NXNL2: variants seen among roughly 807,000 people sequenced by gnomAD.
The protein encoded by NXNL2 is nucleoredoxin like 2, also known as nucleoredoxin-like protein 2.
A neutral mutation model predicts 11.1 loss-of-function variants in NXNL2; 7 were observed. The ratio of observed to expected loss-of-function variants is 0.63; its 90% CI spans 0.36 to 1.18. NXNL2 has a LOEUF of 1.18. Among genes scored for constraint, NXNL2 ranks in the 50% most tolerant of loss-of-function variants. The probability of loss-of-function intolerance (pLI) is 0.02; values close to 1 mark genes in which losing one functional copy is unlikely to be tolerated. For missense variants in NXNL2, 233 were observed against 217.7 expected, an observed-to-expected ratio of 1.07 and a Z score of -0.44; for synonymous variants, 109 against 101.8, an observed-to-expected ratio of 1.07 and a Z score of -0.42.
chr9:88,565,404 G>A (rs770275215), intron 1 of NXNL2, among the ~76,000 whole-genome samples: 8 of 152,096 alleles, frequency 5.3e-5, no homozygotes, highest in Non-Finnish European at 8.8e-5. Context: ...TCATATGAGA[G>A]TTCTATTTTT....
In NXNL2 at chr9:88,552,472, TG is replaced by T. The variant is rs1413457879; in HGVS notation, c.302+16737del. Among the ~76,000 whole-genome samples, 229 of 128,028 alleles carry T rather than the reference TG, an allele frequency of 1.8e-3. 1 individual carries two copies. The highest frequency in any genetic ancestry group is 6.9e-3 in the African/African-American group (189 of 27,542). 84.0% of individuals were successfully genotyped at this position (128,028 alleles called of 152,430 possible). ...TCTAGTTTTCTGCTTTAAACATGCA[TG>T]TTTTTTTTTTTTTTTTTGAGATGGA... On this transcript the variant is annotated intron_variant, in intron 1 of 2. Coordinates refer to the NXNL2 transcript ENST00000375855.
At chr9:88,574,766 G>T (rs1830324136) in intron 2 of NXNL2, among the ~76,000 whole-genome samples, 1 of 152,286 alleles carries the variant, frequency 6.6e-6, no homozygotes, top group Middle Eastern at 3.4e-3. Context: ...GAGCCAGCTT[G>T]TTGGGGAGAG....
chr9:88,571,855 A>G (rs558245497), intron 2 of NXNL2, among the ~76,000 whole-genome samples: 2 of 152,208 alleles, frequency 1.3e-5, no homozygotes, highest in East Asian at 1.9e-4. Context: ...TAACGTCTCC[A>G]CCGGAGACCT....
intron 1 of NXNL2, among the ~76,000 whole-genome samples, chr9:88,550,310 A>G (rs1213901494): frequency 1.3e-5 from 2 of 152,196 alleles, no homozygotes; most frequent in South Asian, 2.1e-4. Flanking sequence ...CATCCAAACT[A>G]CATCAGTGAC....
At chr9:88,560,321 C>A (rs1311769038) in intron 1 of NXNL2, among the ~76,000 whole-genome samples, 3 of 151,668 alleles carry the variant, frequency 2.0e-5, no homozygotes, top group Admixed American at 2.0e-4. Context: ...TAGACAAAAA[C>A]ACAAACTGGC....
At chr9:88,553,230 C>T (rs987205189) in intron 1 of NXNL2, among the ~76,000 whole-genome samples, 20 of 152,298 alleles carry the variant, frequency 1.3e-4, no homozygotes, top group African/African-American at 4.8e-4. Context: ...CCTGTAATCC[C>T]AGCTACTCAG....
At chr9:88,574,580 T>A (rs1178525493) in intron 2 of NXNL2, among the ~76,000 whole-genome samples, 23 of 152,244 alleles carry the variant, frequency 1.5e-4, no homozygotes. Flanking sequence ...AGCAATTAGA[T>A]ATGCATTTAT....
At chr9:88,574,335 G>A (rs1030631195) in intron 2 of NXNL2, among the ~76,000 whole-genome samples, 1 of 152,202 alleles carries the variant, frequency 6.6e-6, no homozygotes. Context: ...TTAAGGACAT[G>A]CCTGTGACAC....
intron 1 of NXNL2, among the ~76,000 whole-genome samples, chr9:88,541,413 A>AG (rs1829758896): frequency 6.6e-6 from 1 of 151,292 alleles, no homozygotes; most frequent in Non-Finnish European, 1.5e-5. Flanking sequence ...GGTGCGTGCA[A>AG]CCACACCTGG....
chr9:88,579,699 C>T (rs538941892), downstream of NXNL2, among the ~76,000 whole-genome samples: 2 of 152,174 alleles, frequency 1.3e-5, no homozygotes, highest in South Asian at 2.1e-4. Context: ...CTTATGACTG[C>T]GAGTCAAGGG....
downstream of NXNL2, among the ~76,000 whole-genome samples, chr9:88,549,347 C>CT (rs768343026): frequency 1.3e-5 from 2 of 152,174 alleles, no homozygotes; most frequent in Non-Finnish European, 2.9e-5. Context: ...TTGAGTTTCT[C>CT]TTTCTTGTCA....
intron 1 of NXNL2, among the ~76,000 whole-genome samples, chr9:88,557,452 G>A (rs896928933): frequency 2.0e-5 from 3 of 152,212 alleles, no homozygotes; most frequent in East Asian, 1.9e-4. Flanking sequence ...GGGTGAGCAC[G>A]TTCTTAAGGT....
intron 1 of NXNL2, among the ~76,000 whole-genome samples, chr9:88,565,026 T>C (rs973657273): frequency 6.6e-6 from 1 of 152,054 alleles, no homozygotes. Context: ...CATTTTCTCC[T>C]CCCCCAGCCT....
chr9:88,548,592 GTGGGAGGCTGAGCC>G (rs1010884326), downstream of NXNL2, among the ~76,000 whole-genome samples: 2 of 150,718 alleles, frequency 1.3e-5, no homozygotes, highest in Non-Finnish European at 2.9e-5. Context: ...GGAGGCTGAG[GTGGGAGGCTGAGCC>G]TGGGAGGCGG....
At chr9:88,550,842 T>C (rs1343657811) in intron 1 of NXNL2, among the ~76,000 whole-genome samples, 1 of 152,184 alleles carries the variant, frequency 6.6e-6, no homozygotes, top group Non-Finnish European at 1.5e-5. Flanking sequence ...CTCAAGAATA[T>C]TGTTAAGGTG....
At chr9:88,574,440 T>C (rs1830318676) in intron 2 of NXNL2, among the ~76,000 whole-genome samples, 1 of 152,180 alleles carries the variant, frequency 6.6e-6, no homozygotes, top group Admixed American at 6.5e-5. Context: ...AATCAATATA[T>C]GTAAGATGTA....
At chr9:88,558,342 C>G (rs776540583) in intron 1 of NXNL2, among the ~76,000 whole-genome samples, 1 of 152,058 alleles carries the variant, frequency 6.6e-6, no homozygotes, top group African/African-American at 2.4e-5. Context: ...GTGGTGTTCC[C>G]GGAGAGGGCA....
intron 1 of NXNL2, among the ~76,000 whole-genome samples, chr9:88,536,698 G>T (rs1459390634): frequency 6.6e-6 from 1 of 152,202 alleles, no homozygotes; most frequent in Non-Finnish European, 1.5e-5. Context: ...GCTAACTTTG[G>T]AAAGTTTTGT....
chr9:88,567,222 T>G (rs925340396), intron 1 of NXNL2, among the ~76,000 whole-genome samples: 9 of 152,186 alleles, frequency 5.9e-5, no homozygotes, highest in African/African-American at 2.2e-4. Context: ...CACTGCAACC[T>G]CTGCCTCCCA....
Sources: allele counts gnomAD v4.1 joint callset (sites outside exome capture counted in the v4.1 genomes callset), GRCh38; gene constraint gnomAD v4.1.1; transcripts MANE v1.5; gene names NCBI Gene and HGNC (gene_info 2026-07-23, HGNC 2026-07-21).